VSTM2L: variants seen among roughly 807,000 people sequenced by gnomAD.
The protein encoded by VSTM2L is V-set and transmembrane domain containing 2 like.
A neutral mutation model predicts 19.9 loss-of-function variants in VSTM2L; 9 were observed. That is an observed-to-expected ratio of 0.45 (90% CI 0.27 to 0.79). The LOEUF (loss-of-function observed/expected upper bound fraction) is 0.79. VSTM2L is among the 30% of genes least tolerant of loss of function. The pLI, the probability that VSTM2L is intolerant of heterozygous loss-of-function variation, is 0.15. For synonymous variants in VSTM2L, 127 were observed against 133.8 expected (o/e 0.95, Z 0.35); for missense variants, 286 against 295.5 (o/e 0.97, Z 0.24).
chr20:37,943,215 G>C (rs1414387568), intron 3 of VSTM2L, among the ~76,000 whole-genome samples: 1 of 152,066 alleles, frequency 6.6e-6, no homozygotes, highest in African/African-American at 2.4e-5. Flanking sequence ...CTGACTTCAA[G>C]TGATCCGCCT....
Position 37,936,251 on chromosome 20 carries a change from TG to T in VSTM2L, c.342+2663del, listed in dbSNP as rs201840337. Among the ~76,000 whole-genome samples, 1,100 of 151,722 alleles carry T rather than the reference TG, an allele frequency of 7.3e-3. 16 individuals are homozygous for T. The highest frequency in any genetic ancestry group is 0.024 in the African/African-American group (986 of 41,320). On this transcript the variant is annotated intron_variant, in intron 3 of 3. Coordinates refer to ENST00000373461, the MANE Select transcript of VSTM2L (RefSeq NM_080607.3). ...GTACCGGTGACATGACGTGAACGAG[TG>T]AAAGAGCTCCTGCGGGGGCCCGGGA...
chr20:37,928,113 C>T (rs559756075), intron 1 of VSTM2L, among the ~76,000 whole-genome samples: 1 of 152,290 alleles, frequency 6.6e-6, no homozygotes, highest in African/African-American at 2.4e-5. Context: ...TTTGACCAGC[C>T]AGGGTCACAC....
intron 1 of VSTM2L, among the ~76,000 whole-genome samples, chr20:37,922,355 G>A (rs755869853): frequency 1.3e-5 from 2 of 152,094 alleles, no homozygotes; most frequent in Non-Finnish European, 2.9e-5. Context: ...TCCTTTTTAA[G>A]GCTGAATACT....
chr20:37,924,446 C>T (rs937592600), intron 1 of VSTM2L, among the ~76,000 whole-genome samples: 5 of 149,536 alleles, frequency 3.3e-5, no homozygotes, highest in South Asian at 4.2e-4. Flanking sequence ...CCAAGCTACT[C>T]GAGAGGCTGA....
In VSTM2L at chr20:37,944,417, T is replaced by A; in HGVS notation, c.*164T>A. ...TTTCCACCACCCCTTGCTCAGCATG[T>A]AAGCCCCACCCACCCCTGCCCTTTC... On this transcript the variant is annotated 3_prime_UTR_variant, in exon 4 of 4. Coordinates refer to ENST00000373461, the MANE Select transcript of VSTM2L (RefSeq NM_080607.3). 1 of 1,233,286 alleles carries A rather than the reference T, an allele frequency of 8.1e-7. No individual in the cohort carries two copies. Among genetic ancestry groups the A allele is most frequent in the Non-Finnish European group, 1.0e-6 (1 of 953,322 alleles). The allele number at this position is 1,233,286 out of a possible 1,614,324, so 76.4% of individuals were successfully genotyped here.
At chr20:37,924,565 A>C (rs2072869796) in intron 1 of VSTM2L, among the ~76,000 whole-genome samples, 1 of 151,954 alleles carries the variant, frequency 6.6e-6, no homozygotes, top group Non-Finnish European at 1.5e-5. Flanking sequence ...AAAAAAAAAA[A>C]AAAAACAAAA....
intron 3 of VSTM2L, among the ~76,000 whole-genome samples, chr20:37,935,142 T>C (rs6096989): frequency 0.63 from 95,554 of 152,022 alleles, 30,203 homozygotes; most frequent in South Asian, 0.73. Flanking sequence ...TCCAGGCTGC[T>C]GGGTCCCACA....
intron 1 of VSTM2L, 151 bp from the exon 2 acceptor site, chr20:37,931,484 C>CCACTCCCA (rs1238322075): frequency 1.2e-6 from 1 of 827,522 alleles, no homozygotes; most frequent in East Asian, 2.6e-5. Flanking sequence ...TGAAGCCAGA[C>CCACTCCCA]CACTCCCACC....
intron 1 of VSTM2L, among the ~76,000 whole-genome samples, chr20:37,923,381 G>A (rs541932419): frequency 2.6e-5 from 4 of 152,322 alleles, no homozygotes; most frequent in South Asian, 2.1e-4. Context: ...CTGATGCACC[G>A]ATAATCAGGC....
intron 1 of VSTM2L, among the ~76,000 whole-genome samples, chr20:37,903,810 C>G (rs1238473424): frequency 6.6e-6 from 1 of 152,208 alleles, no homozygotes; most frequent in Non-Finnish European, 1.5e-5. Context: ...CTCAGGTCCC[C>G]CTCCTCACTG....
chr20:37,920,731 T>G (rs1455592666), intron 1 of VSTM2L, among the ~76,000 whole-genome samples: 1 of 152,232 alleles, frequency 6.6e-6, no homozygotes, highest in African/African-American at 2.4e-5. Context: ...CCTGCTCCTG[T>G]GGGCACAGTC....
Position 37,944,292 on chromosome 20 carries a change from TAC to T in VSTM2L, c.*41_*42del. 7.0e-7 allele frequency: 1 copy of T among 1,432,828 alleles called. No homozygotes were observed. Among genetic ancestry groups the T allele is most frequent in the Non-Finnish European group, 9.2e-7 (1 of 1,086,604 alleles). 88.8% of individuals were successfully genotyped at this position (1,432,828 alleles called of 1,614,324 possible). ...CCCCCGCCCATCCGCCCCCACGCTG[TAC>T]AGAGTGCATGAGGAGCCGCCGGACC... On this transcript the variant is annotated 3_prime_UTR_variant, in exon 4 of 4. Coordinates refer to ENST00000373461, the MANE Select transcript of VSTM2L (RefSeq NM_080607.3).
chr20:37,922,922 A>G (rs920029972), intron 1 of VSTM2L, among the ~76,000 whole-genome samples: 2 of 149,100 alleles, frequency 1.3e-5, no homozygotes, highest in East Asian at 1.9e-4. Context: ...TAAAATACAG[A>G]TGCGCCCAAT....
chr20:37,907,853 A>T (rs2072759352), intron 1 of VSTM2L, among the ~76,000 whole-genome samples: 1 of 152,146 alleles, frequency 6.6e-6, no homozygotes, highest in Non-Finnish European at 1.5e-5. Flanking sequence ...GCACCGGGCC[A>T]TTTGGCAAGC....
At chr20:37,936,224 G>T (rs1223686449) in intron 3 of VSTM2L, among the ~76,000 whole-genome samples, 1 of 150,928 alleles carries the variant, frequency 6.6e-6, no homozygotes, top group Non-Finnish European at 1.5e-5. Context: ...GTTCACATAT[G>T]CGTACCGGTG....
Position 37,931,702 on chromosome 20 carries a change from C to T in VSTM2L, c.189C>T (p.Ser63=), listed in dbSNP as rs1314428733. Residue 63 remains serine (S), a synonymous_variant, in exon 2 of 4, where the codon TCC becomes TCT. Transcript: ENST00000373461. ...RTGEDVEMAC[S]FRGSGSPSYS... is the part of the protein sequence containing the mutation. ...GCGAGGACGTGGAGATGGCCTGCTC[C>T]TTCCGCGGCAGCGGCTCCCCCTCCT... is the stretch of plus-strand genomic sequence containing the variant. 4 of 1,613,722 alleles carry T rather than the reference C, an allele frequency of 2.5e-6. No individual in the cohort carries two copies. Among genetic ancestry groups the T allele is most frequent in the Non-Finnish European group, 3.4e-6 (4 of 1,180,026 alleles).
Position 37,944,096 on chromosome 20 carries a change from G to A in VSTM2L, c.458G>A (p.Arg153Gln), listed in dbSNP as rs1411357118. The stretch of plus-strand genomic sequence containing the variant: ...ATCGACTTCAGCGACGGCAAGGCCC[G>A]GCACCACAAGGTCAAGGCCTACCTG... ...RVIDFSDGKA[R>Q]HHKVKAYLRV... Residue 153 changes from arginine (R) to glutamine (Q), a missense_variant, in exon 4 of 4, where the codon CGG becomes CAG. Coordinates refer to ENST00000373461, the MANE Select transcript of VSTM2L (RefSeq NM_080607.3). 7 of 1,612,760 alleles carry A rather than the reference G, an allele frequency of 4.3e-6. No homozygotes were observed. Among genetic ancestry groups the A allele is most frequent in the African/African-American group, 1.3e-5 (1 of 74,874 alleles).
chr20:37,941,889 C>T (rs2072974291), intron 3 of VSTM2L, among the ~76,000 whole-genome samples: 1 of 147,096 alleles, frequency 6.8e-6, no homozygotes, highest in East Asian at 1.9e-4. Flanking sequence ...TCCATAGGCC[C>T]AACTCCTTTT....
intron 2 of VSTM2L, among the ~76,000 whole-genome samples, chr20:37,932,779 G>T (rs1007024773): frequency 6.6e-6 from 1 of 152,114 alleles, no homozygotes; most frequent in South Asian, 2.1e-4. Context: ...TGAATCATTT[G>T]CATCCTTACA....
Sources: gnomAD v4.1 joint callset for allele counts (sites outside exome capture counted in the v4.1 genomes callset) on GRCh38, gnomAD v4.1.1 for gene constraint, MANE v1.5 for transcripts, NCBI Gene and HGNC (gene_info 2026-07-23, HGNC 2026-07-21) for gene names.